GRM8: variants seen among roughly 807,000 people sequenced by gnomAD.
GRM8 encodes the protein glutamate metabotropic receptor 8.
A neutral mutation model predicts 87.2 loss-of-function variants in GRM8; 47 were observed. The ratio of observed to expected loss-of-function variants is 0.54; its 90% CI spans 0.43 to 0.69. GRM8 has a LOEUF of 0.69. GRM8 is among the 30% of genes least tolerant of loss of function. GRM8 has a pLI of 0.00. For synonymous variants in GRM8, 396 were observed against 404.5 expected, an observed-to-expected ratio of 0.98 and a Z score of 0.25; for missense variants, 1,019 against 1,139.2, an observed-to-expected ratio of 0.89 and a Z score of 1.52.
intron 6 of GRM8, among the ~76,000 whole-genome samples, chr7:126,819,298 G>A (rs74450114): frequency 2.4e-4 from 11 of 46,164 alleles, no homozygotes; most frequent in Admixed American, 6.2e-4. Context: ...ACACACACAC[G>A]TGCACGCGCA....
chr7:126,768,420 A>G (rs1024372954), intron 7 of GRM8, among the ~76,000 whole-genome samples: 9 of 150,592 alleles, frequency 6.0e-5, no homozygotes, highest in Non-Finnish European at 1.2e-4. Context: ...CTAGAGGCAA[A>G]TCCTTTTAAT....
chr7:127,085,923 T>G (rs1823423545), intron 3 of GRM8, among the ~76,000 whole-genome samples: 1 of 152,194 alleles, frequency 6.6e-6, no homozygotes, highest in African/African-American at 2.4e-5. Context: ...TCTTCTAGGG[T>G]TTTTATGGTG....
In GRM8 at chr7:127,160,535, G is replaced by GCGCACA. The variant is rs1554603506; in HGVS notation, c.511-53824_511-53823insTGTGCG. On this transcript the variant is annotated intron_variant, in intron 2 of 10. Coordinates refer to ENST00000339582, the MANE Select transcript of GRM8 (RefSeq NM_000845.3). The stretch of plus-strand genomic sequence containing the variant: ...TGTAAGGAGGCTCCATCACGCGCGC[G>GCGCACA]CACACACACACACACACACCCCTCA... Among the ~76,000 whole-genome samples the GCGCACA allele has an allele frequency of 7.3e-3, 1,023 of 140,416 alleles. 16 individuals carry two copies. Among genetic ancestry groups the GCGCACA allele is most frequent in the Middle Eastern group, 0.018 (5 of 284 alleles). 92.1% of individuals were successfully genotyped at this position (140,416 alleles called of 152,430 possible). A position where few individuals can be genotyped will look rare whatever the true frequency, so the allele number is the denominator to read the frequency against.
chr7:127,003,558 A>C (rs1330680038), intron 3 of GRM8, among the ~76,000 whole-genome samples: 1 of 151,716 alleles, frequency 6.6e-6, no homozygotes, highest in African/African-American at 2.4e-5. Context: ...GTGTACTAGA[A>C]GAGTACTGCA....
At chr7:127,010,925 A>G (rs1206209459) in intron 3 of GRM8, among the ~76,000 whole-genome samples, 1 of 152,124 alleles carries the variant, frequency 6.6e-6, no homozygotes, top group Non-Finnish European at 1.5e-5. Context: ...GAAGAGGAAA[A>G]GGAGGGAGAA....
intron 9 of GRM8, among the ~76,000 whole-genome samples, chr7:126,447,600 AAAAAC>A (rs769969237): frequency 4.6e-5 from 7 of 151,914 alleles, no homozygotes; most frequent in African/African-American, 9.7e-5. Context: ...ATAAAGAATC[AAAAAC>A]AAAACAAAAC....
chr7:126,903,597 C>T lies in GRM8; in HGVS notation c.1018+375G>A, dbSNP rs1255374589. ...ACACACACACACACACACACACACA[C>T]ACACTATATACATATATACATATAT... On this transcript the variant is annotated intron_variant, in intron 5 of 10. Coordinates refer to ENST00000339582, the MANE Select transcript of GRM8 (RefSeq NM_000845.3). Among the ~76,000 whole-genome samples, 59 of 117,204 alleles carry T rather than the reference C, an allele frequency of 5.0e-4. 1 individual carries two copies. Among genetic ancestry groups the T allele is most frequent in the East Asian group, 3.8e-3 (14 of 3,682 alleles). 76.9% of individuals were successfully genotyped at this position (117,204 alleles called of 152,430 possible).
chr7:126,601,782 TG>T (rs1797804364), intron 8 of GRM8, among the ~76,000 whole-genome samples: 1 of 144,598 alleles, frequency 6.9e-6, no homozygotes, highest in African/African-American at 2.6e-5. Flanking sequence ...TGGGGTTGTT[TG>T]TTTTTTTCTT....
intron 8 of GRM8, among the ~76,000 whole-genome samples, chr7:126,579,581 G>A (rs942812564): frequency 2.6e-5 from 4 of 152,152 alleles, no homozygotes; most frequent in Non-Finnish European, 4.4e-5. Flanking sequence ...GGCAGAACAT[G>A]TCATCATTGT....
At chr7:127,051,303 C>T (rs905449813) in intron 3 of GRM8, among the ~76,000 whole-genome samples, 1 of 151,684 alleles carries the variant, frequency 6.6e-6, no homozygotes, top group Non-Finnish European at 1.5e-5. Context: ...AGATTGAGAA[C>T]CACTTCTTCA....
Position 126,839,058 on chromosome 7 carries a change from A to C in GRM8, c.1156+63484T>G, listed in dbSNP as rs182458058. ...TTCCCAATATATTATTAAAACTCTT[A>C]TTATCTCCACACTACTTGCTGCTAC... On this transcript the variant is annotated intron_variant, in intron 6 of 10. Transcript: ENST00000339582. Among the ~76,000 whole-genome samples the C allele has an allele frequency of 2.3e-4, 35 of 152,136 alleles. 1 individual carries two copies. In the East Asian group the frequency reaches 4.4e-3, roughly 19 times the overall value.
intron 3 of GRM8, among the ~76,000 whole-genome samples, chr7:126,936,814 G>A (rs1208927478): frequency 1.3e-5 from 2 of 152,278 alleles, no homozygotes; most frequent in South Asian, 4.1e-4. Context: ...CAATGTTGCA[G>A]AGAAGAAGTA....
intron 7 of GRM8, among the ~76,000 whole-genome samples, chr7:126,739,069 G>A (rs1325502578): frequency 2.0e-5 from 3 of 151,906 alleles, no homozygotes; most frequent in African/African-American, 7.3e-5. Flanking sequence ...GGCTGAAGAG[G>A]GAAATGGGCA....
At chr7:126,508,932 G>A (rs745598936) in intron 9 of GRM8, among the ~76,000 whole-genome samples, 14 of 152,166 alleles carry the variant, frequency 9.2e-5, no homozygotes, top group South Asian at 8.3e-4. Context: ...AAGTACCAAC[G>A]TAATTATAAA....
chr7:126,607,747 T>TGAA (rs1798503161), intron 8 of GRM8, among the ~76,000 whole-genome samples: 1 of 152,092 alleles, frequency 6.6e-6, no homozygotes, highest in African/African-American at 2.4e-5. Context: ...GTGCACAATG[T>TGAA]GAAGGTTAGT....
In GRM8 at chr7:126,446,227, A is replaced by G. The variant is rs569148679; in HGVS notation, c.2576T>C (p.Val859Ala). Residue 859 changes from valine to alanine, a missense_variant, in exon 10 of 11, where the codon GTG becomes GCG. Val to Ala is a moderately conservative substitution (Grantham distance 64). Transcript: ENST00000339582. ...VQKRKRSFKA[V>A]VTAATMQSKL... ...GCTTTGCATGGTGGCAGCTGTCACCACAGCCTTGAAGCTCCTCTTGCGTTT... is the reference window on the plus strand; with the variant it reads ...GCTTTGCATGGTGGCAGCTGTCACCGCAGCCTTGAAGCTCCTCTTGCGTTT... The G allele has an allele frequency of 6.2e-7, 1 of 1,613,142 alleles. No homozygotes were observed. Among genetic ancestry groups the G allele is most frequent in the South Asian group, 1.1e-5 (1 of 91,076 alleles).
At chr7:126,770,689 T>G (rs11765100) in intron 6 of GRM8, among the ~76,000 whole-genome samples, 56,145 of 151,946 alleles carry the variant, frequency 0.37, 11,762 homozygotes, top group Non-Finnish European at 0.47. Context: ...TGTACCTGTG[T>G]TTGGGCATAT....
intron 6 of GRM8, among the ~76,000 whole-genome samples, chr7:126,825,077 G>GT (rs763404999): frequency 3.9e-5 from 6 of 152,000 alleles, no homozygotes; most frequent in Non-Finnish European, 5.9e-5. Flanking sequence ...TTTTTTTGTT[G>GT]TTTTTTTCGA....
chr7:126,473,087 G>C (rs1363525230), intron 9 of GRM8, among the ~76,000 whole-genome samples: 1 of 152,174 alleles, frequency 6.6e-6, no homozygotes, highest in African/African-American at 2.4e-5. Context: ...TGTGGGATGA[G>C]AGCCTCCACA....
Sources: allele counts gnomAD v4.1 joint callset (sites outside exome capture counted in the v4.1 genomes callset), GRCh38; gene constraint gnomAD v4.1.1; transcripts MANE v1.5; gene names NCBI Gene and HGNC (gene_info 2026-07-23, HGNC 2026-07-21).